The following ADAMTS17 variants were observed in gnomAD, a reference collection of about 807,000 sequenced individuals.
The protein encoded by ADAMTS17 is ADAM metallopeptidase with thrombospondin type 1 motif 17.
ADAMTS17 carries 113 observed loss-of-function variants against 141.5 expected under a neutral mutation model. The observed-to-expected ratio is 0.80, with a 90% CI of 0.69 to 0.93. The LOEUF (loss-of-function observed/expected upper bound fraction) is 0.93. Ranked by LOEUF, ADAMTS17 falls within the 40% of genes least tolerant of loss-of-function variation. ADAMTS17 has a pLI of 0.00. For synonymous variants in ADAMTS17, 768 were observed against 630.6 expected (o/e 1.22, Z -3.27); for missense variants, 1,659 against 1,517.9 (o/e 1.09, Z -1.54).
intron 7 of ADAMTS17, among the ~76,000 whole-genome samples, chr15:100,232,484 G>A (rs1402361005): frequency 6.6e-6 from 1 of 152,242 alleles, no homozygotes; most frequent in Non-Finnish European, 1.5e-5. Flanking sequence ...ATGCAGAGAG[G>A]TGACACATCC....
At chr15:100,202,095 C>A (rs181993273) in intron 7 of ADAMTS17, among the ~76,000 whole-genome samples, 36 of 152,324 alleles carry the variant, frequency 2.4e-4, no homozygotes, top group African/African-American at 7.5e-4. Flanking sequence ...TGCTGAGCTT[C>A]CTGTCCTGAG....
chr15:99,974,339 G>A lies in ADAMTS17; in HGVS notation c.*63C>T. 3 of 1,609,064 alleles carry A rather than the reference G, an allele frequency of 1.9e-6. No homozygotes were observed. The highest frequency in any genetic ancestry group is 1.7e-6 in the Non-Finnish European group (2 of 1,177,796). Reference sequence around the variant, plus strand: ...TGGGGGCGTGGCCACAAGGCTGGTAGGCTTGCGGGTGGGTGGGTTTCAGAC... The same window carrying A: ...TGGGGGCGTGGCCACAAGGCTGGTAAGCTTGCGGGTGGGTGGGTTTCAGAC... On this transcript the variant is annotated 3_prime_UTR_variant, in exon 22 of 22. Transcript: ENST00000268070.
chr15:100,001,859 CTT>C (rs908401586), intron 18 of ADAMTS17, among the ~76,000 whole-genome samples: 4 of 151,502 alleles, frequency 2.6e-5, no homozygotes, highest in African/African-American at 4.9e-5. Flanking sequence ...GTCCCAGCTA[CTT>C]GGGAGGCTGA....
chr15:100,124,877 A>C (rs959496969), intron 12 of ADAMTS17, among the ~76,000 whole-genome samples: 1 of 152,226 alleles, frequency 6.6e-6, no homozygotes, highest in African/African-American at 2.4e-5. Flanking sequence ...GATAGACACA[A>C]GCCCAGAGCA....
intron 15 of ADAMTS17, among the ~76,000 whole-genome samples, chr15:100,095,953 A>G (rs897087768): frequency 2.0e-5 from 3 of 152,174 alleles, no homozygotes; most frequent in Non-Finnish European, 4.4e-5. Context: ...GTGTTATCCT[A>G]CTTTTACTAA....
At chr15:100,068,869 T>C (rs1204362192) in intron 15 of ADAMTS17, among the ~76,000 whole-genome samples, 1 of 152,082 alleles carries the variant, frequency 6.6e-6, no homozygotes, top group Non-Finnish European at 1.5e-5. Context: ...GGAACGCAGC[T>C]CCTCACCAGC....
At chr15:100,235,858 C>T (rs2042637791) in intron 7 of ADAMTS17, among the ~76,000 whole-genome samples, 1 of 152,174 alleles carries the variant, frequency 6.6e-6, no homozygotes, top group Non-Finnish European at 1.5e-5. Context: ...GAAATGGAAA[C>T]ATGAGGACAA....
intron 18 of ADAMTS17, among the ~76,000 whole-genome samples, chr15:100,041,660 T>C (rs2031267071): frequency 6.6e-6 from 1 of 152,182 alleles, no homozygotes; most frequent in Non-Finnish European, 1.5e-5. Flanking sequence ...GGTTTGTCAA[T>C]GTTTTTGTGT....
Position 100,051,652 on chromosome 15 carries a change from C to G in ADAMTS17, c.2375G>C (p.Ser792Thr), listed in dbSNP as rs750944759. Residue 792 changes from serine to threonine, a missense_variant, in exon 17 of 22, where the codon AGC (serine) becomes ACC (threonine). Transcript: ENST00000268070. Reference sequence around the variant, plus strand: ...AGAGTCCTGCGGTTTTTCTGGTTCGCTTTGATTTTCCGCAGTGCGGTTTAC... The same window carrying G: ...AGAGTCCTGCGGTTTTTCTGGTTCGGTTTGATTTTCCGCAGTGCGGTTTAC... ...VPVNRTAENQ[S>T]EPEKPQDSLF... 5.0e-6 allele frequency: 8 copies of G among 1,614,082 alleles called. No individual in the cohort carries two copies. The African/African-American group carries it at 9.3e-5, about 19-fold the overall frequency.
chr15:100,067,865 G>A (rs2033656224), intron 15 of ADAMTS17, among the ~76,000 whole-genome samples: 2 of 152,202 alleles, frequency 1.3e-5, no homozygotes, highest in African/African-American at 2.4e-5. Context: ...TCCAACTGAG[G>A]TACCGGGTTC....
At chr15:100,235,631 T>A (rs892801087) in intron 7 of ADAMTS17, among the ~76,000 whole-genome samples, 1 of 152,086 alleles carries the variant, frequency 6.6e-6, no homozygotes. Flanking sequence ...CCTTCCCAGG[T>A]TTTGCTGATG....
intron 13 of ADAMTS17, among the ~76,000 whole-genome samples, chr15:100,116,473 C>T (rs2037136117): frequency 6.6e-6 from 1 of 152,236 alleles, no homozygotes; most frequent in Admixed American, 6.5e-5. Context: ...ATTGGAAAGC[C>T]AGAGAGCAGC....
intron 15 of ADAMTS17, among the ~76,000 whole-genome samples, chr15:100,074,393 T>A (rs1167987086): frequency 7.9e-6 from 1 of 126,090 alleles, no homozygotes; most frequent in Non-Finnish European, 2.0e-5. Flanking sequence ...TATAATCATA[T>A]TAAAGACATA....
At chr15:100,158,943 T>C (rs2039564296) in intron 8 of ADAMTS17, among the ~76,000 whole-genome samples, 1 of 152,210 alleles carries the variant, frequency 6.6e-6, no homozygotes, top group South Asian at 2.1e-4. Context: ...CCTCTCATGA[T>C]GTTTACTATG....
At chr15:100,234,901 G>A (rs35017463) in intron 7 of ADAMTS17, among the ~76,000 whole-genome samples, 12,455 of 152,262 alleles carry the variant, frequency 0.082, 682 homozygotes, top group East Asian at 0.15. Flanking sequence ...CGGGGTAGAG[G>A]AGACAATAGA....
At chr15:100,185,908 C>T (rs2040698702) in intron 8 of ADAMTS17, among the ~76,000 whole-genome samples, 2 of 152,280 alleles carry the variant, frequency 1.3e-5, no homozygotes, top group South Asian at 2.1e-4. Flanking sequence ...GGACTAACAC[C>T]GCCTTCTTCA....
chr15:100,184,441 G>T lies in ADAMTS17; in HGVS notation c.1181+14877C>A, dbSNP rs550210566. On this transcript the variant is annotated intron_variant, in intron 8 of 21. Transcript: ENST00000268070. Reference sequence around the variant, plus strand: ...TTCCATCTTTCATTATCATTTTATTGTTGTTGTTGAATAATCTCTAGGATA... The same window carrying T: ...TTCCATCTTTCATTATCATTTTATTTTTGTTGTTGAATAATCTCTAGGATA... Among the ~76,000 whole-genome samples the T allele has an allele frequency of 2.0e-5, 3 of 152,292 alleles. No homozygotes were observed. The East Asian group carries it at 5.8e-4, about 29-fold the overall frequency.
At chr15:100,224,769 G>A (rs537823769) in intron 7 of ADAMTS17, among the ~76,000 whole-genome samples, 15 of 152,300 alleles carry the variant, frequency 9.8e-5, no homozygotes, top group African/African-American at 3.1e-4. Flanking sequence ...TAGGAAAGGG[G>A]AATCCCTCCA....
At chr15:100,260,199 G>C (rs1467418058) in intron 6 of ADAMTS17, among the ~76,000 whole-genome samples, 1 of 152,176 alleles carries the variant, frequency 6.6e-6, no homozygotes, top group Non-Finnish European at 1.5e-5. Flanking sequence ...TCTGGGGCTG[G>C]GGTCACAGAA....
Sources: gnomAD v4.1 joint callset for allele counts (sites outside exome capture counted in the v4.1 genomes callset) on GRCh38, gnomAD v4.1.1 for gene constraint, MANE v1.5 for transcripts, NCBI Gene and HGNC (gene_info 2026-07-23, HGNC 2026-07-21) for gene names.